The following NTNG1 variants were observed in gnomAD, a reference collection of about 807,000 sequenced individuals.
The protein encoded by NTNG1 is netrin G1.
In NTNG1, 16 loss-of-function variants were observed where a neutral mutation model predicts 54.0. That is an observed-to-expected ratio of 0.30 (90% CI 0.20 to 0.45). NTNG1 has a LOEUF of 0.45. Ranked by LOEUF, NTNG1 falls within the 20% of genes least tolerant of loss-of-function variation. The probability of loss-of-function intolerance (pLI) is 1.00; values close to 1 mark genes in which losing one functional copy is unlikely to be tolerated. For missense variants in NTNG1, 530 were observed against 678.7 expected, an observed-to-expected ratio of 0.78 and a Z score of 2.43; for synonymous variants, 255 against 263.1, an observed-to-expected ratio of 0.97 and a Z score of 0.30.
chr1:107,146,279 C>T (rs1427788487), intron 1 of NTNG1, among the ~76,000 whole-genome samples: 3 of 152,038 alleles, frequency 2.0e-5, no homozygotes, highest in Non-Finnish European at 2.9e-5. Flanking sequence ...ATAGATTTTA[C>T]ACTGCTTCAG....
chr1:107,158,177 T>C (rs1008774383), intron 2 of NTNG1, among the ~76,000 whole-genome samples: 2 of 152,198 alleles, frequency 1.3e-5, no homozygotes, highest in African/African-American at 4.8e-5. Flanking sequence ...AAATCTGCTC[T>C]GGTTTTAATT....
At chr1:107,367,769 TA>T (rs1347455917) in intron 3 of NTNG1, among the ~76,000 whole-genome samples, 5 of 152,036 alleles carry the variant, frequency 3.3e-5, no homozygotes, top group Admixed American at 6.5e-5. Flanking sequence ...TTTTTGGGGG[TA>T]TTTTTTTGTT....
intron 1 of NTNG1, among the ~76,000 whole-genome samples, chr1:107,142,539 A>G (rs916109398): frequency 6.6e-6 from 1 of 151,998 alleles, no homozygotes; most frequent in Non-Finnish European, 1.5e-5. Context: ...CAAATTGTCA[A>G]TCTTTGGAAT....
At position 107,484,159 on chromosome 1, in the gene NTNG1, G is replaced by T. The variant is rs534808261; in HGVS notation, c.*3319G>T. On this transcript the variant is annotated 3_prime_UTR_variant, in exon 8 of 8. Coordinates refer to ENST00000370068, the MANE Select transcript of NTNG1 (RefSeq NM_001113226.3). Reference sequence around the variant, plus strand: ...AGGGAGTGGCAAAGGGTGCATCTGTGTGGATGGATTAGGCCCTGGGGCCTG... The same window carrying T: ...AGGGAGTGGCAAAGGGTGCATCTGTTTGGATGGATTAGGCCCTGGGGCCTG... Among the ~76,000 whole-genome samples, 1 of 152,184 alleles carries T rather than the reference G, an allele frequency of 6.6e-6. No individual in the cohort carries two copies. Among genetic ancestry groups the T allele is most frequent in the Non-Finnish European group, 1.5e-5 (1 of 68,048 alleles).
chr1:107,273,552 T>C (rs1364000550), intron 2 of NTNG1, among the ~76,000 whole-genome samples: 3 of 152,228 alleles, frequency 2.0e-5, no homozygotes, highest in South Asian at 2.1e-4. Context: ...CCATGCTTGC[T>C]GTCTTTCCCA....
At position 107,213,127 on chromosome 1, in the gene NTNG1, T is replaced by C. The variant is rs117373217; in HGVS notation, c.246+64288T>C. ...TTTCTCATTTTGTCATGAAATACCA[T>C]AGTTAATGCTGTTTTCAGTTGTAAT... is the stretch of plus-strand genomic sequence containing the variant. On this transcript the variant is annotated intron_variant, in intron 2 of 7. Transcript: ENST00000370068. 7.9e-5 allele frequency among the ~76,000 whole-genome samples: 12 copies of C among 152,090 alleles called. No individual in the cohort carries two copies. In the East Asian group the frequency reaches 2.3e-3, roughly 29 times the overall value.
At chr1:107,443,067 T>G (rs1007936118) in intron 7 of NTNG1, among the ~76,000 whole-genome samples, 1 of 152,120 alleles carries the variant, frequency 6.6e-6, no homozygotes, top group African/African-American at 2.4e-5. Flanking sequence ...AGTTTTGGCT[T>G]AAACGAGAAA....
At chr1:107,291,997 T>G (rs1388634823) in intron 2 of NTNG1, among the ~76,000 whole-genome samples, 1 of 151,782 alleles carries the variant, frequency 6.6e-6, no homozygotes, top group Non-Finnish European at 1.5e-5. Context: ...TTTTTTTAAG[T>G]AAAGGCAAAG....
At chr1:107,333,219 T>C (rs767331308) in intron 3 of NTNG1, among the ~76,000 whole-genome samples, 6 of 152,034 alleles carry the variant, frequency 3.9e-5, no homozygotes, top group Non-Finnish European at 7.4e-5. Flanking sequence ...AAGGAAACAT[T>C]GGCTAAGAGT....
intron 3 of NTNG1, among the ~76,000 whole-genome samples, chr1:107,332,070 G>GT (rs1668315282): frequency 1.3e-5 from 2 of 152,004 alleles, no homozygotes. Flanking sequence ...TGCACCCATT[G>GT]TAAGTGGACA....
intron 3 of NTNG1, among the ~76,000 whole-genome samples, chr1:107,364,001 G>A (rs553555905): frequency 5.9e-5 from 9 of 152,092 alleles, no homozygotes; most frequent in Non-Finnish European, 1.2e-4. Flanking sequence ...GGAGAGAGGA[G>A]CATAGGATAG....
At chr1:107,367,795 C>T (rs546011628) in intron 3 of NTNG1, among the ~76,000 whole-genome samples, 1 of 152,018 alleles carries the variant, frequency 6.6e-6, no homozygotes, top group South Asian at 2.1e-4. Context: ...TGGAGTCTCA[C>T]TCTGTTGCCA....
chr1:107,394,242 T>G (rs1570854866), intron 3 of NTNG1, among the ~76,000 whole-genome samples: 1 of 152,186 alleles, frequency 6.6e-6, no homozygotes, highest in Non-Finnish European at 1.5e-5. Flanking sequence ...TGATACAGTT[T>G]ATATCCTGCT....
chr1:107,439,277 C>CGTGTGTGTGTGTGTGTGTGTGTGTGT (rs3064151), intron 7 of NTNG1, among the ~76,000 whole-genome samples: 1 of 145,784 alleles, frequency 6.9e-6, no homozygotes, highest in Non-Finnish European at 1.5e-5. Flanking sequence ...CCAGAACTTG[C>CGTGTGTGTGTGTGTGTGTGTGTGTGT]GTGTGTGTGT....
chr1:107,226,270 G>T (rs1457297525), intron 2 of NTNG1, among the ~76,000 whole-genome samples: 1 of 152,092 alleles, frequency 6.6e-6, no homozygotes, highest in Non-Finnish European at 1.5e-5. Context: ...ATTGATCCCA[G>T]ATGTTAAACG....
intron 3 of NTNG1, among the ~76,000 whole-genome samples, chr1:107,382,790 T>A (rs1029793000): frequency 2.0e-5 from 3 of 152,168 alleles, no homozygotes; most frequent in Non-Finnish European, 4.4e-5. Flanking sequence ...TCTCTTTATT[T>A]TTTGTTTTGT....
At chr1:107,190,306 G>T (rs1033770585) in intron 2 of NTNG1, among the ~76,000 whole-genome samples, 5 of 152,062 alleles carry the variant, frequency 3.3e-5, no homozygotes, top group African/African-American at 1.2e-4. Context: ...GGTTAAGATG[G>T]TAAGTTTTAT....
At chr1:107,214,802 TC>T (rs71092102) in intron 2 of NTNG1, among the ~76,000 whole-genome samples, 5 of 151,032 alleles carry the variant, frequency 3.3e-5, no homozygotes, top group Admixed American at 1.3e-4. Context: ...TTTTTTTTTT[TC>T]AATTTTCTGA....
chr1:107,162,657 G>A (rs963785819), intron 2 of NTNG1, among the ~76,000 whole-genome samples: 26 of 152,166 alleles, frequency 1.7e-4, no homozygotes, highest in African/African-American at 3.6e-4. Flanking sequence ...TACACAGGGG[G>A]CAACAAATTT....
Sources: allele counts gnomAD v4.1 joint callset (sites outside exome capture counted in the v4.1 genomes callset), GRCh38; gene constraint gnomAD v4.1.1; transcripts MANE v1.5; gene names NCBI Gene and HGNC (gene_info 2026-07-23, HGNC 2026-07-21).